Variants in SLC24A2 observed in about 807,000 individuals in gnomAD.
SLC24A2 encodes the protein solute carrier family 24 member 2, also known as sodium/potassium/calcium exchanger 2.
SLC24A2 carries 36 observed loss-of-function variants against 62.0 expected under a neutral mutation model. The observed-to-expected ratio is 0.58, with a 90% CI of 0.44 to 0.77. The LOEUF (loss-of-function observed/expected upper bound fraction) is 0.77, where lower values mean the gene tolerates loss of function less well. Ranked by LOEUF, SLC24A2 falls within the 30% of genes least tolerant of loss-of-function variation. The pLI is 0.00. For synonymous variants in SLC24A2, 358 were observed against 294.0 expected, an observed-to-expected ratio of 1.22 and a Z score of -2.23; for missense variants, 846 against 817.9, an observed-to-expected ratio of 1.03 and a Z score of -0.42.
At chr9:19,713,530 A>G (rs1326013515) in intron 2 of SLC24A2, among the ~76,000 whole-genome samples, 1 of 152,222 alleles carries the variant, frequency 6.6e-6, no homozygotes, top group East Asian at 1.9e-4. Context: ...CGGTCATTTC[A>G]TATCATCAAG....
intron 2 of SLC24A2, among the ~76,000 whole-genome samples, chr9:19,641,988 A>T (rs1818507320): frequency 6.6e-6 from 1 of 152,078 alleles, no homozygotes; most frequent in Non-Finnish European, 1.5e-5. Flanking sequence ...AGGCCTACTA[A>T]GGGTATAGCT....
chr9:19,792,824 T>C (rs1369420588), upstream of SLC24A2, among the ~76,000 whole-genome samples: 2 of 152,208 alleles, frequency 1.3e-5, no homozygotes, highest in East Asian at 1.9e-4. Flanking sequence ...TCTCCACATA[T>C]ACAACCTTTT....
chr9:19,869,368 C>A, the SLC24A2 span, among the ~76,000 whole-genome samples: 1 of 152,172 alleles, frequency 6.6e-6, no homozygotes, highest in Non-Finnish European at 1.5e-5. Flanking sequence ...TCACCTCTTA[C>A]TCATATTCTT....
At chr9:19,678,373 A>G (rs1057468858) in intron 2 of SLC24A2, among the ~76,000 whole-genome samples, 2 of 152,188 alleles carry the variant, frequency 1.3e-5, no homozygotes, top group Admixed American at 1.3e-4. Flanking sequence ...GTTGCATCTC[A>G]CTGGCATGCA....
At chr9:20,058,063 T>C in the SLC24A2 span, among the ~76,000 whole-genome samples, 1 of 152,200 alleles carries the variant, frequency 6.6e-6, no homozygotes, top group Non-Finnish European at 1.5e-5. Flanking sequence ...CATTTAACAT[T>C]GAACTCACTG....
chr9:19,522,736 G>A (rs1833260746), intron 9 of SLC24A2, among the ~76,000 whole-genome samples: 1 of 152,114 alleles, frequency 6.6e-6, no homozygotes, highest in African/African-American at 2.4e-5. Flanking sequence ...TACATGGCAG[G>A]CTCTTAATAC....
chr9:19,541,654 T>C (rs908622801), intron 8 of SLC24A2, among the ~76,000 whole-genome samples: 1 of 148,300 alleles, frequency 6.7e-6, no homozygotes, highest in African/African-American at 2.5e-5. Flanking sequence ...TACTGCTGTC[T>C]TTTTGTTTGT....
chr9:19,662,156 C>G (rs1251366255), intron 2 of SLC24A2, among the ~76,000 whole-genome samples: 1 of 152,090 alleles, frequency 6.6e-6, no homozygotes, highest in Non-Finnish European at 1.5e-5. Flanking sequence ...ATAAAAGTAA[C>G]AAGAAACAGG....
chr9:19,911,995 C>A, the SLC24A2 span, among the ~76,000 whole-genome samples: 1 of 152,088 alleles, frequency 6.6e-6, no homozygotes, highest in African/African-American at 2.4e-5. Flanking sequence ...GTTTACTCAC[C>A]CAATCATTTT....
chr9:19,911,577 C>A, the SLC24A2 span, among the ~76,000 whole-genome samples: 1 of 152,112 alleles, frequency 6.6e-6, no homozygotes, highest in African/African-American at 2.4e-5. Flanking sequence ...ATCAGATAAG[C>A]CTTGATCTGA....
At chr9:19,742,330 C>A (rs77865312) in intron 2 of SLC24A2, among the ~76,000 whole-genome samples, 304 of 152,284 alleles carry the variant, frequency 2.0e-3, no homozygotes, top group African/African-American at 7.1e-3. Context: ...CAGTAAATGA[C>A]AATGAATTCA....
chr9:19,646,678 T>C (rs1818645510), intron 2 of SLC24A2, among the ~76,000 whole-genome samples: 1 of 151,950 alleles, frequency 6.6e-6, no homozygotes, highest in Non-Finnish European at 1.5e-5. Context: ...ATAAACAGAG[T>C]CTCTCTATTC....
the SLC24A2 span, among the ~76,000 whole-genome samples, chr9:19,873,201 C>T: frequency 2.0e-4 from 30 of 151,882 alleles, no homozygotes; most frequent in Non-Finnish European, 7.4e-5. Context: ...CCCTTCCTCC[C>T]TTCCTCCCTC....
chr9:19,957,148 G>T, the SLC24A2 span, among the ~76,000 whole-genome samples: 1 of 152,176 alleles, frequency 6.6e-6, no homozygotes, highest in Non-Finnish European at 1.5e-5. Context: ...TACTGCTGAG[G>T]TTATTTAGTC....
chr9:19,828,430 T>A, the SLC24A2 span, among the ~76,000 whole-genome samples: 1 of 152,114 alleles, frequency 6.6e-6, no homozygotes, highest in Non-Finnish European at 1.5e-5. Context: ...CCCATACAAC[T>A]ATTATTTACC....
At chr9:19,636,916 G>A (rs1307757402) in intron 2 of SLC24A2, among the ~76,000 whole-genome samples, 1 of 152,066 alleles carries the variant, frequency 6.6e-6, no homozygotes, top group South Asian at 2.1e-4. Context: ...AAGAATAATT[G>A]ATTTAAGTCT....
At chr9:20,139,044 C>A in the SLC24A2 span, among the ~76,000 whole-genome samples, 1 of 152,194 alleles carries the variant, frequency 6.6e-6, no homozygotes, top group East Asian at 1.9e-4. Context: ...GGTCTGAAAC[C>A]AATTGTGTAA....
intron 2 of SLC24A2, among the ~76,000 whole-genome samples, chr9:19,639,298 C>T (rs963467476): frequency 1.3e-5 from 2 of 152,228 alleles, no homozygotes; most frequent in African/African-American, 4.8e-5. Flanking sequence ...AGTCCTTTTG[C>T]AATGGTGACT....
At chr9:20,247,413 T>C in the SLC24A2 span, among the ~76,000 whole-genome samples, 3 of 152,126 alleles carry the variant, frequency 2.0e-5, no homozygotes, top group African/African-American at 7.2e-5. Flanking sequence ...ACCCCTAAGG[T>C]GATGGCATTA....
Sources: gnomAD v4.1 joint callset for allele counts (sites outside exome capture counted in the v4.1 genomes callset) on GRCh38, gnomAD v4.1.1 for gene constraint, MANE v1.5 for transcripts, NCBI Gene and HGNC (gene_info 2026-07-23, HGNC 2026-07-21) for gene names.